PDE1C: variants seen among roughly 807,000 people sequenced by gnomAD.
PDE1C encodes the protein dual specificity calcium/calmodulin-dependent 3',5'-cyclic nucleotide phosphodiesterase 1C.
In PDE1C, 62 loss-of-function variants were observed where a neutral mutation model predicts 93.1. That is an observed-to-expected ratio of 0.67 (90% CI 0.54 to 0.82). The LOEUF (loss-of-function observed/expected upper bound fraction) is 0.82. Among genes scored for constraint, PDE1C ranks in the 40% least tolerant of loss-of-function variants. The probability of loss-of-function intolerance (pLI) is 0.00; values close to 1 mark genes in which losing one functional copy is unlikely to be tolerated. For missense variants in PDE1C, 742 were observed against 884.6 expected, an observed-to-expected ratio of 0.84 and a Z score of 2.04; for synonymous variants, 325 against 310.1, an observed-to-expected ratio of 1.05 and a Z score of -0.50.
intron 3 of PDE1C, among the ~76,000 whole-genome samples, chr7:32,122,644 T>C (rs1339261513): frequency 1.3e-5 from 2 of 152,128 alleles, no homozygotes; most frequent in Non-Finnish European, 2.9e-5. Flanking sequence ...AAGGCAGAAA[T>C]CAAGAAGTTC....
intron 7 of PDE1C, among the ~76,000 whole-genome samples, chr7:31,863,605 A>G (rs1794928298): frequency 2.0e-5 from 3 of 152,210 alleles, no homozygotes; most frequent in Admixed American, 2.0e-4. Flanking sequence ...TTTAAATACT[A>G]TTTTTAAGAA....
intron 16 of PDE1C, among the ~76,000 whole-genome samples, chr7:31,801,853 T>C (rs1423630271): frequency 6.6e-6 from 1 of 151,488 alleles, no homozygotes; most frequent in Admixed American, 6.6e-5. Flanking sequence ...CCTTTTACTT[T>C]TGTGCTGTTT....
intron 1 of PDE1C, among the ~76,000 whole-genome samples, chr7:32,382,744 A>G (rs1286505150): frequency 1.3e-5 from 2 of 152,192 alleles, no homozygotes; most frequent in Non-Finnish European, 2.9e-5. Context: ...AGGAGGTACT[A>G]TCAAAACCAC....
At chr7:32,287,550 C>T (rs756549078) in intron 1 of PDE1C, among the ~76,000 whole-genome samples, 7 of 152,250 alleles carry the variant, frequency 4.6e-5, no homozygotes, top group Non-Finnish European at 7.3e-5. Context: ...TCAGGGCTGG[C>T]TTGTTTGCTC....
intron 2 of PDE1C, among the ~76,000 whole-genome samples, chr7:32,039,983 T>A (rs1045401859): frequency 3.1e-4 from 47 of 152,318 alleles, no homozygotes; most frequent in African/African-American, 1.1e-3. Flanking sequence ...AGCCACACAA[T>A]ATTAACCCTT....
chr7:32,057,768 T>C (rs1794311158), intron 1 of PDE1C, among the ~76,000 whole-genome samples: 1 of 152,126 alleles, frequency 6.6e-6, no homozygotes, highest in Admixed American at 6.5e-5. Flanking sequence ...TTAAGGGTCT[T>C]TATTTGCTTT....
intron 2 of PDE1C, among the ~76,000 whole-genome samples, chr7:31,979,293 G>A (rs1471088451): frequency 6.6e-6 from 1 of 152,248 alleles, no homozygotes; most frequent in African/African-American, 2.4e-5. Flanking sequence ...TACCAACCAT[G>A]AGAATTGGAC....
rs117827624 is a variant in PDE1C, at chr7:31,881,584, T to G, written c.129-724A>C. ...CTACAGATGATCAACATGCGGTAAC[T>G]GAGAATACTGTAAATACCACAGAGA... On this transcript the variant is annotated intron_variant, in intron 2 of 17. Transcript: ENST00000396191. 1.0e-2 allele frequency among the ~76,000 whole-genome samples: 1,522 copies of G among 152,318 alleles called. 14 individuals carry two copies. Among genetic ancestry groups the G allele is most frequent in the Non-Finnish European group, 0.018 (1,199 of 68,026 alleles).
intron 3 of PDE1C, among the ~76,000 whole-genome samples, chr7:32,150,456 T>C (rs934536748): frequency 1.3e-5 from 2 of 152,148 alleles, no homozygotes; most frequent in African/African-American, 2.4e-5. Flanking sequence ...AGGGTTTCCC[T>C]AGGGTGCATT....
At chr7:31,855,753 A>T (rs545801141) in intron 7 of PDE1C, among the ~76,000 whole-genome samples, 11 of 148,154 alleles carry the variant, frequency 7.4e-5, no homozygotes, top group East Asian at 1.9e-4. Context: ...TAATAAATAA[A>T]AAATAAATAA....
chr7:31,852,532 C>A (rs1053814901), intron 7 of PDE1C, among the ~76,000 whole-genome samples: 5 of 152,118 alleles, frequency 3.3e-5, no homozygotes, highest in African/African-American at 1.2e-4. Flanking sequence ...CGGGGGGCCC[C>A]CCATGTGGCA....
intron 17 of PDE1C, among the ~76,000 whole-genome samples, chr7:31,773,066 C>G (rs1234444459): frequency 6.6e-6 from 1 of 152,196 alleles, no homozygotes; most frequent in Non-Finnish European, 1.5e-5. Flanking sequence ...TCCGTGCACC[C>G]CTCAGGATGT....
chr7:32,212,144 C>G (rs1806094971), intron 1 of PDE1C, among the ~76,000 whole-genome samples: 1 of 151,978 alleles, frequency 6.6e-6, no homozygotes, highest in Non-Finnish European at 1.5e-5. Context: ...TTACAAAGAC[C>G]ATTGCAATTG....
At chr7:31,824,749 T>G in intron 13 of PDE1C, 118 bp downstream of exon 13, 1 of 1,323,962 alleles carries the variant, frequency 7.6e-7, no homozygotes, top group East Asian at 2.3e-5. Flanking sequence ...CAAATTTTTC[T>G]GAGAAGGAGC....
chr7:31,886,723 C>T (rs141815384), intron 2 of PDE1C, among the ~76,000 whole-genome samples: 23 of 68,434 alleles, frequency 3.4e-4, no homozygotes, highest in African/African-American at 7.4e-4. Flanking sequence ...GATAGGGAAA[C>T]GGCAGACTCT....
At chr7:31,998,371 G>A (rs1396785943) in intron 2 of PDE1C, among the ~76,000 whole-genome samples, 4 of 152,112 alleles carry the variant, frequency 2.6e-5, no homozygotes, top group African/African-American at 9.7e-5. Context: ...ATGAATGCAT[G>A]CATTATTGGA....
At chr7:31,927,307 T>C (rs1584012102) in intron 2 of PDE1C, among the ~76,000 whole-genome samples, 1 of 152,202 alleles carries the variant, frequency 6.6e-6, no homozygotes, top group African/African-American at 2.4e-5. Flanking sequence ...CAGGGGCTTA[T>C]AGATAAAACT....
intron 2 of PDE1C, among the ~76,000 whole-genome samples, chr7:32,197,126 G>A (rs1451285831): frequency 6.6e-6 from 1 of 152,124 alleles, no homozygotes; most frequent in African/African-American, 2.4e-5. Context: ...TTCAGAGAAT[G>A]GGATGCTACC....
At chr7:31,861,916 G>A (rs1332962988) in intron 7 of PDE1C, among the ~76,000 whole-genome samples, 3 of 152,160 alleles carry the variant, frequency 2.0e-5, no homozygotes. Context: ...GGCCTGTAAA[G>A]CCAGACCTGA....
Sources: gnomAD v4.1 joint callset for allele counts (sites outside exome capture counted in the v4.1 genomes callset) on GRCh38, gnomAD v4.1.1 for gene constraint, MANE v1.5 for transcripts, NCBI Gene and HGNC (gene_info 2026-07-23, HGNC 2026-07-21) for gene names.